Variants in CSMD1 observed in about 807,000 individuals in gnomAD.
CSMD1 encodes the protein CUB and Sushi multiple domains 1.
CSMD1 carries 213 observed loss-of-function variants against 417.5 expected under a neutral mutation model. The observed-to-expected ratio is 0.51, with a 90% CI of 0.46 to 0.57. CSMD1 has a LOEUF of 0.57. Ranked by LOEUF, CSMD1 falls within the 20% of genes least tolerant of loss-of-function variation. The pLI, the probability that CSMD1 is intolerant of heterozygous loss-of-function variation, is 0.00. For missense variants in CSMD1, 6,923 were observed against 4,529.7 expected (o/e 1.53, Z -15.17); for synonymous variants, 2,862 against 1,736.8 (o/e 1.65, Z -16.11).
At chr8:3,160,386 G>A (rs1819807595) in intron 38 of CSMD1, among the ~76,000 whole-genome samples, 1 of 152,184 alleles carries the variant, frequency 6.6e-6, no homozygotes, top group African/African-American at 2.4e-5. Flanking sequence ...GAATCCCAAA[G>A]TGCTGGGATT....
At chr8:3,622,215 G>A (rs1211455601) in intron 7 of CSMD1, among the ~76,000 whole-genome samples, 1 of 152,116 alleles carries the variant, frequency 6.6e-6, no homozygotes, top group Non-Finnish European at 1.5e-5. Context: ...TGTTACTTCT[G>A]CCACGTTTAT....
chr8:4,579,458 A>C (rs1001875368), intron 2 of CSMD1, among the ~76,000 whole-genome samples: 4 of 151,910 alleles, frequency 2.6e-5, no homozygotes, highest in African/African-American at 9.7e-5. Context: ...TCCCAGGTTC[A>C]AGTAATTCTC....
At chr8:3,834,319 G>T (rs1161480576) in intron 5 of CSMD1, among the ~76,000 whole-genome samples, 1 of 152,064 alleles carries the variant, frequency 6.6e-6, no homozygotes, top group African/African-American at 2.4e-5. Flanking sequence ...CTCTGTGGAT[G>T]TGGCTTACTC....
chr8:3,005,398 C>G (rs539432165), intron 52 of CSMD1, among the ~76,000 whole-genome samples: 10 of 152,240 alleles, frequency 6.6e-5, no homozygotes, highest in Admixed American at 3.3e-4. Context: ...TAGAAAAAGA[C>G]GGAATCCTCC....
chr8:3,302,960 C>G (rs989352965), intron 25 of CSMD1, among the ~76,000 whole-genome samples: 1 of 152,198 alleles, frequency 6.6e-6, no homozygotes, highest in Admixed American at 6.5e-5. Flanking sequence ...CCATGACCAG[C>G]AACTGCTCCC....
chr8:4,034,533 TAAGG>T (rs1434750200), intron 3 of CSMD1, among the ~76,000 whole-genome samples: 1 of 152,206 alleles, frequency 6.6e-6, no homozygotes, highest in East Asian at 1.9e-4. Context: ...GTGACATTTA[TAAGG>T]AAGAAAAACT....
intron 1 of CSMD1, among the ~76,000 whole-genome samples, chr8:4,812,760 T>G (rs1254264517): frequency 1.3e-5 from 2 of 152,186 alleles, no homozygotes; most frequent in East Asian, 3.8e-4. Flanking sequence ...GAAAAGACCT[T>G]GAGTTTGTGT....
At chr8:3,796,886 C>G (rs1433456098) in intron 5 of CSMD1, among the ~76,000 whole-genome samples, 1 of 151,534 alleles carries the variant, frequency 6.6e-6, no homozygotes, top group Admixed American at 6.6e-5. Context: ...AATGGAAATT[C>G]CTCACGGTTC....
At chr8:3,930,964 A>C (rs553460238) in intron 5 of CSMD1, among the ~76,000 whole-genome samples, 2 of 150,812 alleles carry the variant, frequency 1.3e-5, no homozygotes, top group South Asian at 2.1e-4. Context: ...ATACATCAGC[A>C]AAAACGCCCT....
chr8:4,903,002 A>C (rs896107892), intron 1 of CSMD1, among the ~76,000 whole-genome samples: 10 of 133,154 alleles, frequency 7.5e-5, no homozygotes, highest in African/African-American at 2.8e-4. Flanking sequence ...ATGATAAATA[A>C]TATTAATAAT....
rs186916656 is a variant in CSMD1, at chr8:3,308,789, T to A, written c.3632-286A>T. ...CCCAGGCTGGAGTGCAATGGCGTGA[T>A]CTTGCCTCACTGCAACCTCCACCTC... is the stretch of plus-strand genomic sequence containing the variant. On this transcript the variant is annotated intron_variant, in intron 23 of 69. Transcript: ENST00000635120. 4.2e-3 allele frequency among the ~76,000 whole-genome samples: 621 copies of A among 146,446 alleles called. 3 individuals carry two copies. Among genetic ancestry groups the A allele is most frequent in the African/African-American group, 0.014 (572 of 39,812 alleles).
chr8:3,810,678 T>G (rs1357710621), intron 5 of CSMD1, among the ~76,000 whole-genome samples: 1 of 152,192 alleles, frequency 6.6e-6, no homozygotes, highest in Non-Finnish European at 1.5e-5. Flanking sequence ...TTTTCTGGGA[T>G]AGAATAGAAG....
intron 57 of CSMD1, among the ~76,000 whole-genome samples, chr8:2,972,799 C>A (rs1378229041): frequency 6.6e-6 from 1 of 152,186 alleles, no homozygotes. Context: ...TGCTCTGGAA[C>A]CCCACTCACT....
chr8:3,147,582 C>A (rs1385744855), intron 40 of CSMD1, among the ~76,000 whole-genome samples: 1 of 152,182 alleles, frequency 6.6e-6, no homozygotes, highest in African/African-American at 2.4e-5. Flanking sequence ...TGTAACAGCA[C>A]AACCGCCATT....
At chr8:4,175,882 C>A (rs746977058) in intron 3 of CSMD1, among the ~76,000 whole-genome samples, 1 of 152,150 alleles carries the variant, frequency 6.6e-6, no homozygotes, top group Non-Finnish European at 1.5e-5. Flanking sequence ...GTAATGGGGT[C>A]CAGTTGATTT....
chr8:4,604,779 A>G (rs1248961674), intron 2 of CSMD1, among the ~76,000 whole-genome samples: 1 of 152,228 alleles, frequency 6.6e-6, no homozygotes, highest in African/African-American at 2.4e-5. Flanking sequence ...ATTTGAATAT[A>G]GATCTACTTC....
chr8:3,270,363 C>G (rs1269971421), intron 26 of CSMD1, among the ~76,000 whole-genome samples: 1 of 152,074 alleles, frequency 6.6e-6, no homozygotes, highest in African/African-American at 2.4e-5. Context: ...GCCTTTCCAT[C>G]CTCTTACTAG....
rs1490740125 is a variant in CSMD1 at position 4,721,841 on chromosome 8, G to A, written c.86-84283C>T. On this transcript the variant is annotated intron_variant, in intron 1 of 69. Transcript: ENST00000635120. ...CAATGCATGAGTGGAACATGATTCA[G>A]CTTTACAAAAGGAGATACTGTCATT... Among the ~76,000 whole-genome samples the A allele has an allele frequency of 2.6e-5, 4 of 152,140 alleles. No homozygotes were observed. In the East Asian group the frequency reaches 7.7e-4, roughly 29 times the overall value.
At chr8:3,970,145 C>A (rs73658512) in intron 5 of CSMD1, among the ~76,000 whole-genome samples, 1 of 152,136 alleles carries the variant, frequency 6.6e-6, no homozygotes, top group Non-Finnish European at 1.5e-5. Flanking sequence ...CTAAAATAAT[C>A]ATTTTATGTG....
Sources: gnomAD v4.1 joint callset for allele counts (sites outside exome capture counted in the v4.1 genomes callset) on GRCh38, gnomAD v4.1.1 for gene constraint, MANE v1.5 for transcripts, NCBI Gene and HGNC (gene_info 2026-07-23, HGNC 2026-07-21) for gene names.